Variants in CELF2 observed in about 807,000 individuals in gnomAD.
CELF2 encodes CUG triplet repeat RNA-binding protein 2.
A neutral mutation model predicts 62.6 loss-of-function variants in CELF2; 8 were observed. The ratio of observed to expected loss-of-function variants is 0.13; its 90% CI spans 0.07 to 0.23. The LOEUF is 0.23. CELF2 is among the 10% of genes least tolerant of loss of function. The pLI, the probability that CELF2 is intolerant of heterozygous loss-of-function variation, is 1.00. For missense variants in CELF2, 333 were observed against 671.0 expected, an observed-to-expected ratio of 0.50 and a Z score of 5.56; for synonymous variants, 258 against 250.0, an observed-to-expected ratio of 1.03 and a Z score of -0.30.
chr10:10,579,127 T>C, the CELF2 span, among the ~76,000 whole-genome samples: 1 of 152,186 alleles, frequency 6.6e-6, no homozygotes, highest in African/African-American at 2.4e-5. Context: ...AAAAAGGGTA[T>C]AAAAGAACAA....
At chr10:10,705,178 C>G in the CELF2 span, among the ~76,000 whole-genome samples, 2 of 152,064 alleles carry the variant, frequency 1.3e-5, no homozygotes, top group Admixed American at 1.3e-4. Context: ...AGAGCTAGAC[C>G]TTAACTCTAA....
chr10:11,190,775 TAAAAAAAAAAAAAAAA>T (rs11301213), intron 2 of CELF2, among the ~76,000 whole-genome samples: 22 of 53,992 alleles, frequency 4.1e-4, no homozygotes, highest in South Asian at 2.5e-3. Context: ...CTCTTTTCTT[TAAAAAAAAAAAAAAAA>T]AAAAAAAAAA....
chr10:10,774,501 C>T, the CELF2 span, among the ~76,000 whole-genome samples: 225 of 152,266 alleles, frequency 1.5e-3, no homozygotes, highest in African/African-American at 5.2e-3. Flanking sequence ...TGATAGAGTT[C>T]TTATGAGATC....
chr10:10,523,459 G>T, the CELF2 span, among the ~76,000 whole-genome samples: 1 of 152,196 alleles, frequency 6.6e-6, no homozygotes, highest in Non-Finnish European at 1.5e-5. Flanking sequence ...GAATTTGGAA[G>T]TATCTTACTA....
intron 2 of CELF2, among the ~76,000 whole-genome samples, chr10:10,976,806 C>T (rs1474527645): frequency 6.6e-6 from 1 of 152,164 alleles, no homozygotes; most frequent in African/African-American, 2.4e-5. Context: ...TTTCCCCTCT[C>T]TTCCCTCGAA....
At chr10:10,733,508 T>C in the CELF2 span, among the ~76,000 whole-genome samples, 4 of 152,004 alleles carry the variant, frequency 2.6e-5, no homozygotes, top group African/African-American at 9.7e-5. Flanking sequence ...TCAAGTTTCA[T>C]GGGGCCTGTA....
chr10:10,851,189 A>T (rs888099560), intron 1 of CELF2, among the ~76,000 whole-genome samples: 1 of 152,086 alleles, frequency 6.6e-6, no homozygotes, highest in African/African-American at 2.4e-5. Flanking sequence ...TGAGTTCTTA[A>T]CTCTTACATC....
intron 3 of CELF2, among the ~76,000 whole-genome samples, chr10:11,226,687 G>A (rs542621977): frequency 3.9e-5 from 6 of 152,040 alleles, no homozygotes; most frequent in African/African-American, 1.2e-4. Context: ...ACCTGGCAGC[G>A]GCTGTGCCCA....
chr10:11,195,520 A>G (rs1465291800), intron 2 of CELF2, among the ~76,000 whole-genome samples: 9 of 152,344 alleles, frequency 5.9e-5, no homozygotes, highest in Non-Finnish European at 7.4e-5. Context: ...GTAGAAAGCA[A>G]TGTCACTAAG....
chr10:11,282,474 T>C (rs1590576480), intron 8 of CELF2, among the ~76,000 whole-genome samples: 3 of 152,348 alleles, frequency 2.0e-5, no homozygotes, highest in Non-Finnish European at 4.4e-5. Flanking sequence ...GGAACCCTAG[T>C]AGCAGAGCAC....
At chr10:10,634,933 G>A in the CELF2 span, among the ~76,000 whole-genome samples, 12 of 152,022 alleles carry the variant, frequency 7.9e-5, no homozygotes, top group Admixed American at 5.2e-4. Flanking sequence ...GTGATTCTGC[G>A]GGGCAGCAGT....
At chr10:10,512,625 G>A in the CELF2 span, among the ~76,000 whole-genome samples, 2 of 152,076 alleles carry the variant, frequency 1.3e-5, no homozygotes, top group Non-Finnish European at 1.5e-5. Flanking sequence ...GTGTTGGCCA[G>A]GCTGGTCTCT....
chr10:10,499,132 T>A, the CELF2 span, among the ~76,000 whole-genome samples: 1 of 150,902 alleles, frequency 6.6e-6, no homozygotes, highest in African/African-American at 2.4e-5. Flanking sequence ...AATGGCACGA[T>A]CTCAGCTCAC....
chr10:10,481,444 G>A, the CELF2 span, among the ~76,000 whole-genome samples: 2 of 152,116 alleles, frequency 1.3e-5, no homozygotes, highest in African/African-American at 4.8e-5. Flanking sequence ...TCCATAAACA[G>A]ACTTCTTTGG....
At chr10:10,527,252 G>A in the CELF2 span, among the ~76,000 whole-genome samples, 1 of 152,030 alleles carries the variant, frequency 6.6e-6, no homozygotes, top group African/African-American at 2.4e-5. Flanking sequence ...AACCAGCCTG[G>A]CCAACATGAC....
Position 11,311,137 on chromosome 10 carries a change from A to G in CELF2, c.977-3002A>G, listed in dbSNP as rs950230949. The stretch of plus-strand genomic sequence containing the variant: ...CTCTCAGTGTAAAGATGAACAAAAA[A>G]TACTCCCCACTAGAAAACTACAAGG... On this transcript the variant is annotated intron_variant, in intron 9 of 12. Transcript: ENST00000633077. This position sits in a 1 kb window ranked among gnomAD's most constrained non-coding sequence, Gnocchi z 4.7. Among the ~76,000 whole-genome samples, 1 of 152,218 alleles carries G rather than the reference A, an allele frequency of 6.6e-6. No individual in the cohort carries two copies. Among genetic ancestry groups the G allele is most frequent in the Non-Finnish European group, 1.5e-5 (1 of 68,032 alleles).
In CELF2 at chr10:11,333,296, A is replaced by G. The variant is rs553046460; in HGVS notation, c.*4243A>G. 18 of 152,782 alleles carry G rather than the reference A, an allele frequency of 1.2e-4. No individual in the cohort carries two copies. The highest frequency in any genetic ancestry group is 4.3e-4 in the African/African-American group (18 of 41,596). The allele number at this position is 152,782 out of a possible 1,614,324, so 9.5% of individuals were successfully genotyped here. A position where few individuals can be genotyped will look rare whatever the true frequency, so the allele number is the denominator to read the frequency against. ...TCTATCCACTTTTATCTTTTAATAA[A>G]TATCAAAAGGAAAAAGCTGCAAGGG... On this transcript the variant is annotated 3_prime_UTR_variant, in exon 13 of 13. Coordinates refer to ENST00000633077, the MANE Select transcript of CELF2 (RefSeq NM_001326342.2).
chr10:10,722,159 C>A, the CELF2 span, among the ~76,000 whole-genome samples: 1 of 151,666 alleles, frequency 6.6e-6, no homozygotes, highest in African/African-American at 2.4e-5. Flanking sequence ...ATAAAAGAGC[C>A]AGGCCTGGTG....
At chr10:10,908,641 TAAA>T (rs1249932982) in intron 1 of CELF2, among the ~76,000 whole-genome samples, 1 of 152,126 alleles carries the variant, frequency 6.6e-6, no homozygotes, top group African/African-American at 2.4e-5. Context: ...AATTAAAAAA[TAAA>T]AACCAACATT....
Sources: gnomAD v4.1 joint callset for allele counts (sites outside exome capture counted in the v4.1 genomes callset) on GRCh38, gnomAD v4.1.1 for gene constraint, Gnocchi (gnomAD v3.1) non-coding constraint, MANE v1.5 for transcripts, NCBI Gene and HGNC (gene_info 2026-07-23, HGNC 2026-07-21) for gene names.